Variants in THSD7B observed in about 807,000 individuals in gnomAD.
The protein encoded by THSD7B is thrombospondin type 1 domain containing 7B, also known as thrombospondin type-1 domain-containing protein 7B.
In THSD7B, 138 loss-of-function variants were observed where a neutral mutation model predicts 213.6. The observed-to-expected ratio is 0.65, with a 90% CI of 0.56 to 0.74. The LOEUF (loss-of-function observed/expected upper bound fraction) is 0.74, where lower values mean the gene tolerates loss of function less well. THSD7B is among the 30% of genes least tolerant of loss of function. The probability of loss-of-function intolerance (pLI) is 0.00; values close to 1 mark genes in which losing one functional copy is unlikely to be tolerated. For missense variants in THSD7B, 1,931 were observed against 1,991.5 expected (o/e 0.97, Z 0.58); for synonymous variants, 742 against 687.0 (o/e 1.08, Z -1.25).
chr2:137,026,178 AAC>A (rs1405686520), intron 2 of THSD7B, among the ~76,000 whole-genome samples: 1 of 152,182 alleles, frequency 6.6e-6, no homozygotes, highest in Non-Finnish European at 1.5e-5. Context: ...AAGATTGAGA[AAC>A]ACACACACTC....
intron 12 of THSD7B, among the ~76,000 whole-genome samples, chr2:137,379,856 G>A (rs541630812): frequency 1.3e-5 from 2 of 152,290 alleles, no homozygotes; most frequent in Middle Eastern, 3.4e-3. Flanking sequence ...GTGCTACTAG[G>A]GCTCTTGCCC....
chr2:137,589,561 T>C (rs1681819365), intron 17 of THSD7B, among the ~76,000 whole-genome samples: 1 of 152,248 alleles, frequency 6.6e-6, no homozygotes, highest in African/African-American at 2.4e-5. Flanking sequence ...ATTGCCAGCA[T>C]AGAGGCGGTA....
Position 137,053,291 on chromosome 2 carries a change from T to C in THSD7B, c.140-3129T>C, listed in dbSNP as rs554068026. ...TGAGTTAATTTTGGATTAACTCATA[T>C]CCAAATAGGAGATCATGGCTAAGCT... On this transcript the variant is annotated intron_variant, in intron 2 of 27. Transcript: ENST00000409968. 2.0e-5 allele frequency among the ~76,000 whole-genome samples: 3 copies of C among 152,328 alleles called. No individual in the cohort carries two copies. The East Asian group carries it at 5.8e-4, about 29-fold the overall frequency.
Position 137,308,852 on chromosome 2 carries a change from A to G in THSD7B, c.2500+32826A>G, listed in dbSNP as rs185509635. Among the ~76,000 whole-genome samples, 23 of 152,222 alleles carry G rather than the reference A, an allele frequency of 1.5e-4. No individual in the cohort carries two copies. In the East Asian group the frequency reaches 2.3e-3, roughly 15 times the overall value. Reference sequence around the variant, plus strand: ...TTTTCCTTGCTAACACTTTGCAGACATATCTTAAAGTCCTTATTTATTGGT... The same window carrying G: ...TTTTCCTTGCTAACACTTTGCAGACGTATCTTAAAGTCCTTATTTATTGGT... On this transcript the variant is annotated intron_variant, in intron 12 of 27. Coordinates refer to ENST00000409968, the MANE Select transcript of THSD7B (RefSeq NM_001316349.2).
In THSD7B at chr2:137,292,072, G is replaced by A. The variant is rs151248336; in HGVS notation, c.2500+16046G>A. Among the ~76,000 whole-genome samples, 695 of 152,218 alleles carry A rather than the reference G, an allele frequency of 4.6e-3. 6 individuals are homozygous for A. Among genetic ancestry groups the A allele is most frequent in the African/African-American group, 0.016 (673 of 41,570 alleles). ...AGCAATAGTGCTGAGATTCAGAAAT[G>A]CTGCTTCTAGAACCAGAAGGGAAGT... On this transcript the variant is annotated intron_variant, in intron 12 of 27. Coordinates refer to ENST00000409968, the MANE Select transcript of THSD7B (RefSeq NM_001316349.2).
intron 17 of THSD7B, among the ~76,000 whole-genome samples, chr2:137,595,223 T>C (rs527714657): frequency 6.6e-6 from 1 of 152,026 alleles, no homozygotes; most frequent in Non-Finnish European, 1.5e-5. Context: ...ATTTGTTGTA[T>C]TCCTCTATCT....
chr2:136,915,217 C>G (rs571644484), intron 2 of THSD7B, among the ~76,000 whole-genome samples: 1 of 152,248 alleles, frequency 6.6e-6, no homozygotes, highest in Middle Eastern at 3.4e-3. Flanking sequence ...TTCACATTTG[C>G]TCTGAAATGA....
At chr2:136,875,145 G>C (rs1683506333) in intron 1 of THSD7B, among the ~76,000 whole-genome samples, 1 of 152,192 alleles carries the variant, frequency 6.6e-6, no homozygotes, top group Non-Finnish European at 1.5e-5. Context: ...TTCTGGGCTG[G>C]GCACAGTGGC....
chr2:136,974,560 T>C (rs1414897509), intron 2 of THSD7B, among the ~76,000 whole-genome samples: 1 of 152,230 alleles, frequency 6.6e-6, no homozygotes, highest in East Asian at 1.9e-4. Flanking sequence ...TAGTATTCCA[T>C]TGTGTATATG....
intron 15 of THSD7B, among the ~76,000 whole-genome samples, chr2:137,471,152 C>T (rs1406563526): frequency 6.6e-6 from 1 of 151,882 alleles, no homozygotes; most frequent in African/African-American, 2.4e-5. Context: ...AACTCCTGAC[C>T]TCAGGTGATC....
chr2:137,435,481 T>A (rs1393604069), intron 14 of THSD7B, among the ~76,000 whole-genome samples: 1 of 152,206 alleles, frequency 6.6e-6, no homozygotes, highest in African/African-American at 2.4e-5. Context: ...TTAAAGATAC[T>A]GTTTTCTCCA....
intron 12 of THSD7B, among the ~76,000 whole-genome samples, chr2:137,380,204 A>C (rs1685742318): frequency 6.6e-6 from 1 of 151,840 alleles, no homozygotes; most frequent in Non-Finnish European, 1.5e-5. Flanking sequence ...TTGAGACCAG[A>C]AGTTTGAGAC....
intron 3 of THSD7B, among the ~76,000 whole-genome samples, chr2:137,091,491 T>TTTTTTATTTTATTTTATTTTA (rs1687947551): frequency 1.3e-5 from 2 of 150,758 alleles, no homozygotes; most frequent in African/African-American, 4.9e-5. Flanking sequence ...AAACAACAGA[T>TTTTTTATTTTATTTTATTTTA]TTTTATTTTA....
intron 7 of THSD7B, among the ~76,000 whole-genome samples, chr2:137,214,722 G>A (rs1169452705): frequency 1.3e-5 from 2 of 152,050 alleles, no homozygotes. Flanking sequence ...TGAGAAAGAT[G>A]GTTTCCAGCT....
intron 1 of THSD7B, among the ~76,000 whole-genome samples, chr2:136,834,951 T>TC (rs1296892858): frequency 6.6e-6 from 1 of 152,220 alleles, no homozygotes; most frequent in African/African-American, 2.4e-5. Context: ...TGTCTTTTTT[T>TC]CCCTCATAAA....
intron 2 of THSD7B, among the ~76,000 whole-genome samples, chr2:136,993,564 A>T (rs1284029112): frequency 6.6e-6 from 1 of 152,234 alleles, no homozygotes; most frequent in Non-Finnish European, 1.5e-5. Flanking sequence ...AGGGATGCAC[A>T]CTCAGTACAT....
chr2:136,994,217 A>T (rs767006286), intron 2 of THSD7B, among the ~76,000 whole-genome samples: 1 of 152,194 alleles, frequency 6.6e-6, no homozygotes, highest in Non-Finnish European at 1.5e-5. Context: ...AGTTTGTAAG[A>T]CAGAGAAAAG....
chr2:136,930,681 G>C (rs1433091784), intron 2 of THSD7B, among the ~76,000 whole-genome samples: 1 of 152,190 alleles, frequency 6.6e-6, no homozygotes, highest in Non-Finnish European at 1.5e-5. Context: ...GCTCTAAAGA[G>C]TAAAGAGTCC....
At chr2:136,783,356 A>G (rs2104908146) in intron 1 of THSD7B, among the ~76,000 whole-genome samples, 1 of 152,258 alleles carries the variant, frequency 6.6e-6, no homozygotes, top group South Asian at 2.1e-4. Flanking sequence ...GGCAGAATTG[A>G]GCTGGGAAAC....
Sources: gnomAD v4.1 joint callset for allele counts (sites outside exome capture counted in the v4.1 genomes callset) on GRCh38, gnomAD v4.1.1 for gene constraint, MANE v1.5 for transcripts, NCBI Gene and HGNC (gene_info 2026-07-23, HGNC 2026-07-21) for gene names.